Variants in MALAT1 observed in about 807,000 individuals in gnomAD.
MALAT1 encodes hepcarcin.
At chr11:65,501,707 G>GA (rs765919438) in exon 3 of MALAT1, 1 of 518,982 alleles carries the variant, frequency 1.9e-6, no homozygotes, top group Non-Finnish European at 3.8e-6. Flanking sequence ...ATTCCCAGTT[G>GA]AAGCTGAAAA....
At chr11:65,499,886 A>G (rs1230308088) in exon 3 of MALAT1, 1 of 430,986 alleles carries the variant, frequency 2.3e-6, no homozygotes, top group Non-Finnish European at 4.5e-6. Context: ...AATATTGTCA[A>G]GAGTTTCAGA....
At chr11:65,499,768 G>GA (rs1380189327) in exon 3 of MALAT1, 1 of 428,248 alleles carries the variant, frequency 2.3e-6, no homozygotes, top group Non-Finnish European at 4.5e-6. Flanking sequence ...ATTTAAACCT[G>GA]AAAAGTAGGA....
At chr11:65,499,409 T>C (rs1382263541) in exon 3 of MALAT1, 1 of 484,276 alleles carries the variant, frequency 2.1e-6, no homozygotes, top group South Asian at 1.5e-5. Flanking sequence ...GCAATGCTTT[T>C]AGATTAAAAT....
exon 3 of MALAT1, chr11:65,500,583 C>G (rs748933945): frequency 1.9e-6 from 1 of 518,738 alleles, no homozygotes; most frequent in East Asian, 5.4e-5. Flanking sequence ...GGAAGGAGCG[C>G]TAACGATTTG....
At chr11:65,503,960 C>T (rs771793439) in intron 3 of MALAT1, 3 of 515,596 alleles carry the variant, frequency 5.8e-6, no homozygotes, top group Non-Finnish European at 1.2e-5. Flanking sequence ...TCCAGAAAGT[C>T]AGGGGTCTAT....
intron 3 of MALAT1, chr11:65,505,328 G>T (rs1854657678): frequency 1.9e-6 from 1 of 518,874 alleles, no homozygotes; most frequent in Non-Finnish European, 3.8e-6. Context: ...ATGAGGACTT[G>T]CCTCAACTCC....
chr11:65,498,411 G>C (rs1277652503), intron 1 of MALAT1: 3 of 518,606 alleles, frequency 5.8e-6, no homozygotes, highest in Non-Finnish European at 1.2e-5. Context: ...CTCAGGCGGG[G>C]AGCAGCTCTG....
At chr11:65,500,909 T>G (rs779095243) in exon 3 of MALAT1, 2 of 513,950 alleles carry the variant, frequency 3.9e-6, no homozygotes, top group Non-Finnish European at 7.7e-6. Context: ...CCGGGTGTTG[T>G]AGGTTTCTCT....
intron 1 of MALAT1, chr11:65,498,045 TC>T (rs1734268432): frequency 1.9e-6 from 1 of 518,962 alleles, no homozygotes; most frequent in Non-Finnish European, 3.8e-6. Context: ...CTTTTATTTT[TC>T]TTCCTGCTCC....
intron 1 of MALAT1, chr11:65,498,334 G>T (rs768118337): frequency 2.9e-5 from 15 of 517,670 alleles, no homozygotes; most frequent in Admixed American, 1.9e-4. Flanking sequence ...TGCGGGCCGT[G>T]GGGGGCTGGC....
chr11:65,500,521 T>TA (rs1565051581), exon 3 of MALAT1: 2 of 518,512 alleles, frequency 3.9e-6, no homozygotes, highest in Non-Finnish European at 7.7e-6. Context: ...GTGGTGAAGA[T>TA]AGGAAAAGAG....
At chr11:65,505,450 A>G (rs1387122848) in intron 3 of MALAT1, 3 of 513,018 alleles carry the variant, frequency 5.8e-6, no homozygotes, top group African/African-American at 5.8e-5. Flanking sequence ...CCAAATCTCA[A>G]GCGGTGCTTG....
At chr11:65,503,739 T>C (rs1490807423) in exon 3 of MALAT1, 1 of 517,388 alleles carries the variant, frequency 1.9e-6, no homozygotes. Flanking sequence ...AAACTTTGTC[T>C]GCGAACACTC....
exon 3 of MALAT1, chr11:65,502,290 G>T (rs1178744396): frequency 5.8e-6 from 3 of 517,290 alleles, no homozygotes; most frequent in Non-Finnish European, 1.2e-5. Flanking sequence ...TTTTTTTCAG[G>T]TGATTTAATA....
At chr11:65,497,742 G>T (rs369963436) in exon 1 of MALAT1, 6 of 402,066 alleles carry the variant, frequency 1.5e-5, no homozygotes, top group Non-Finnish European at 2.0e-5. Context: ...CCCCTCCGCA[G>T]CCTGCAGCCC....
At chr11:65,500,104 C>G (rs1230774251) in exon 3 of MALAT1, 1 of 471,178 alleles carries the variant, frequency 2.1e-6, no homozygotes, top group Non-Finnish European at 4.3e-6. Context: ...TAGACCAGAA[C>G]CAATTTAGAA....
chr11:65,504,363 G>C (rs1854627825), intron 3 of MALAT1: 1 of 517,458 alleles, frequency 1.9e-6, no homozygotes, highest in Non-Finnish European at 3.9e-6. Context: ...CTTCAGGTCT[G>C]TCTGTTCTGT....
Position 65,505,434 on chromosome 11 carries a change from TAAA to T in MALAT1, n.5169-825_5169-823del, listed in dbSNP as rs747294826. ...CTGTTTTTATAGCAGCTCTTAATAA[TAAA>T]GCCCAAATCTCAAGCGGTGCTTGAA... On this transcript the variant is annotated intron_variant and non_coding_transcript_variant, in intron 3 of 3. Coordinates refer to ENST00000619449, the Ensembl canonical transcript of MALAT1. 1.4e-5 allele frequency: 7 copies of T among 512,774 alleles called. No homozygotes were observed. In the Admixed American group the frequency reaches 1.4e-4, roughly 10 times the overall value. The allele number at this position is 512,774 out of a possible 1,614,324, so 31.8% of individuals were successfully genotyped here. A position where few individuals can be genotyped will look rare whatever the true frequency, so the allele number is the denominator to read the frequency against.
chr11:65,502,026 G>GT (rs1347597828), exon 3 of MALAT1: 3 of 516,862 alleles, frequency 5.8e-6, no homozygotes, highest in Admixed American at 3.9e-5. Flanking sequence ...CAATGATTTA[G>GT]TTTTTTTCCC....
Sources: allele counts gnomAD v4.1 joint callset, GRCh38; gene constraint gnomAD v4.1.1; transcripts MANE v1.5; gene names NCBI Gene and HGNC (gene_info 2026-07-23, HGNC 2026-07-21).